Variants in PREX1 observed in about 807,000 individuals in gnomAD.
PREX1 encodes the protein phosphatidylinositol 3,4,5-trisphosphate-dependent Rac exchanger 1 protein.
Under a neutral mutation model 198.3 loss-of-function variants are expected in PREX1, and 41 were observed. That is an observed-to-expected ratio of 0.21 (90% CI 0.16 to 0.27). PREX1 has a LOEUF of 0.27. PREX1 is among the 10% of genes least tolerant of loss of function. PREX1 has a pLI of 1.00. For synonymous variants in PREX1, 843 were observed against 887.2 expected (o/e 0.95, Z 0.89); for missense variants, 1,620 against 2,200.7 (o/e 0.74, Z 5.28).
intron 1 of PREX1, among the ~76,000 whole-genome samples, chr20:48,825,235 TCAGGTTA>T (rs951171969): frequency 1.3e-5 from 2 of 152,068 alleles, no homozygotes; most frequent in Non-Finnish European, 2.9e-5. Flanking sequence ...GTATGGCTGG[TCAGGTTA>T]CACAATCCGT....
intron 5 of PREX1, among the ~76,000 whole-genome samples, chr20:48,724,463 T>C (rs6066826): frequency 0.28 from 41,990 of 152,076 alleles, 5,895 homozygotes; most frequent in South Asian, 0.4. Flanking sequence ...ACAGAGAAAT[T>C]CAAATCCAGA....
At chr20:48,649,914 C>T (rs41283552) in intron 24 of PREX1, 82 bp downstream of exon 24, 283,806 of 1,491,100 alleles carry the variant, frequency 0.19, 28,571 homozygotes, top group Middle Eastern at 0.29. Context: ...CAGCCCTGGA[C>T]GGCTGACCTT....
Position 48,632,575 on chromosome 20 carries a change from G to A in PREX1, c.4332C>T (p.Asp1444=). The change falls in exon 34 of 40, where the codon GAC becomes GAT. Residue 1444 remains aspartate, a synonymous_variant. Coordinates refer to ENST00000371941, the MANE Select transcript of PREX1 (RefSeq NM_020820.4). ...RQALKVIFYL[D]SYHFSKLPSR... ...AGGGCAGCTTGGAGAAGTGGTAGCTGTCGAGGTAGAAGATGACCTTCAGCG... is the reference window on the plus strand; with the variant it reads ...AGGGCAGCTTGGAGAAGTGGTAGCTATCGAGGTAGAAGATGACCTTCAGCG... 1 of 1,614,032 alleles carries A rather than the reference G, an allele frequency of 6.2e-7. No individual in the cohort carries two copies. The highest frequency in any genetic ancestry group is 8.5e-7 in the Non-Finnish European group (1 of 1,179,940).
At chr20:48,735,401 C>T (rs925519459) in intron 3 of PREX1, among the ~76,000 whole-genome samples, 1 of 152,088 alleles carries the variant, frequency 6.6e-6, no homozygotes, top group African/African-American at 2.4e-5. Context: ...TAAACAAGCC[C>T]CCAGATGGCC....
chr20:48,787,285 T>C (rs1045046882), intron 1 of PREX1, among the ~76,000 whole-genome samples: 3 of 151,924 alleles, frequency 2.0e-5, no homozygotes, highest in Non-Finnish European at 4.4e-5. Context: ...ACGGCACTTA[T>C]GAATACATAA....
the PREX1 span, among the ~76,000 whole-genome samples, chr20:48,865,036 T>TG: frequency 0.1 from 15,288 of 151,592 alleles, 880 homozygotes; most frequent in Middle Eastern, 0.16. Context: ...GAGGCAGGGT[T>TG]GGGGGGGGTC....
At chr20:48,636,373 T>C in intron 32 of PREX1, 90 bp downstream of exon 32, 1 of 1,330,434 alleles carries the variant, frequency 7.5e-7, no homozygotes, top group South Asian at 1.4e-5. Context: ...AGGGGGAGCC[T>C]GAGTAAGTGG....
intron 5 of PREX1, among the ~76,000 whole-genome samples, chr20:48,724,252 C>T (rs913356676): frequency 5.3e-5 from 7 of 130,916 alleles, no homozygotes; most frequent in Admixed American, 2.6e-4. Context: ...AGGCCACTTC[C>T]TTTCTCTGTG....
At chr20:48,863,500 T>C in the PREX1 span, among the ~76,000 whole-genome samples, 4 of 143,732 alleles carry the variant, frequency 2.8e-5, no homozygotes, top group African/African-American at 1.0e-4. Context: ...GGTTTTTTTG[T>C]TTTTTTTTTT....
chr20:48,766,201 G>A (rs1015874770), intron 1 of PREX1, among the ~76,000 whole-genome samples: 2 of 152,152 alleles, frequency 1.3e-5, no homozygotes, highest in African/African-American at 4.8e-5. Flanking sequence ...AATGTAATGT[G>A]TTTGAATCAT....
chr20:48,715,095 G>T (rs1158021218), intron 5 of PREX1, among the ~76,000 whole-genome samples: 1 of 152,214 alleles, frequency 6.6e-6, no homozygotes, highest in Non-Finnish European at 1.5e-5. Flanking sequence ...GAAAACCCTG[G>T]AATCCATATC....
At chr20:48,706,411 A>T (rs1021516428) in intron 6 of PREX1, among the ~76,000 whole-genome samples, 3 of 152,236 alleles carry the variant, frequency 2.0e-5, no homozygotes, top group Non-Finnish European at 4.4e-5. Flanking sequence ...CAGGAAACTC[A>T]AAACCCATAT....
At chr20:48,626,663 G>A (rs1278606189) in intron 39 of PREX1, among the ~76,000 whole-genome samples, 1 of 152,236 alleles carries the variant, frequency 6.6e-6, no homozygotes, top group African/African-American at 2.4e-5. Context: ...TGTGTGTGGA[G>A]CCCCCAGCGC....
At chr20:48,752,147 T>C (rs556539125) in intron 1 of PREX1, among the ~76,000 whole-genome samples, 3 of 152,200 alleles carry the variant, frequency 2.0e-5, no homozygotes, top group South Asian at 2.1e-4. Flanking sequence ...CAAACCTCCA[T>C]GTATTAAGTA....
At chr20:48,858,744 C>T in the PREX1 span, among the ~76,000 whole-genome samples, 1 of 152,214 alleles carries the variant, frequency 6.6e-6, no homozygotes, top group South Asian at 2.1e-4. Flanking sequence ...TCTCTACCAT[C>T]AAATCACCAT....
chr20:48,816,634 C>T (rs1477258904), intron 1 of PREX1, among the ~76,000 whole-genome samples: 1 of 152,126 alleles, frequency 6.6e-6, no homozygotes, highest in Non-Finnish European at 1.5e-5. Flanking sequence ...GACCACACCC[C>T]TAAGACTCAA....
At chr20:48,770,194 T>G (rs2090228984) in intron 1 of PREX1, among the ~76,000 whole-genome samples, 1 of 152,220 alleles carries the variant, frequency 6.6e-6, no homozygotes, top group Non-Finnish European at 1.5e-5. Context: ...AAGAATTACC[T>G]GTCAAGCTTT....
At chr20:48,717,801 G>A (rs2089968874) in intron 5 of PREX1, among the ~76,000 whole-genome samples, 1 of 152,218 alleles carries the variant, frequency 6.6e-6, no homozygotes. Flanking sequence ...AGTGGGAAGA[G>A]GGTTCCTATC....
chr20:48,810,782 G>C (rs1254664836), intron 1 of PREX1, among the ~76,000 whole-genome samples: 1 of 151,284 alleles, frequency 6.6e-6, no homozygotes, highest in African/African-American at 2.4e-5. Context: ...AGCTACTTGG[G>C]AGGCTGAGGT....
Sources: gnomAD v4.1 joint callset for allele counts (sites outside exome capture counted in the v4.1 genomes callset) on GRCh38, gnomAD v4.1.1 for gene constraint, MANE v1.5 for transcripts, NCBI Gene and HGNC (gene_info 2026-07-23, HGNC 2026-07-21) for gene names.